The following C10orf90 variants were observed in gnomAD, a reference collection of about 807,000 sequenced individuals.
C10orf90 encodes the protein chromosome 10 open reading frame 90.
A neutral mutation model predicts 62.5 loss-of-function variants in C10orf90; 56 were observed. The ratio of observed to expected loss-of-function variants is 0.90; its 90% CI spans 0.72 to 1.12. C10orf90 has a LOEUF of 1.12. C10orf90 is among the 50% of genes most tolerant of loss of function. C10orf90 has a pLI of 0.00. For synonymous variants in C10orf90, 386 were observed against 340.4 expected, an observed-to-expected ratio of 1.13 and a Z score of -1.47; for missense variants, 970 against 880.4, an observed-to-expected ratio of 1.10 and a Z score of -1.29.
chr10:126,586,899 C>T (rs184996449), intron 2 of C10orf90, among the ~76,000 whole-genome samples: 18 of 152,134 alleles, frequency 1.2e-4, no homozygotes, highest in Admixed American at 6.6e-4. Context: ...GAAAATAGTC[C>T]GAGATGATGG....
chr10:126,520,399 C>A (rs993033892), intron 2 of C10orf90: 1 of 152,166 alleles, frequency 6.6e-6, no homozygotes, highest in Admixed American at 6.6e-5. Flanking sequence ...TGTAGGGGGA[C>A]CCTGGGAGTT....
intron 4 of C10orf90, among the ~76,000 whole-genome samples, chr10:126,497,441 T>C (rs140892652): frequency 1.3e-5 from 2 of 152,330 alleles, no homozygotes; most frequent in East Asian, 3.9e-4. Flanking sequence ...TCCCTTTGAC[T>C]CTGAGCATCG....
rs565049524 is a variant in C10orf90, at chr10:126,456,235, G to C, written c.2188+2805C>G. On this transcript the variant is annotated intron_variant, in intron 7 of 9. Transcript: ENST00000488181. The surrounding 1 kb of genome is among the most constrained non-coding windows in gnomAD (Gnocchi z 4.9). ...CTTAAACATTTCTTCTCACTTGCCC[G>C]AGCTTGTATGAGGCTCTGGTTTCAG... Among the ~76,000 whole-genome samples the C allele has an allele frequency of 6.6e-6, 1 of 152,178 alleles. No homozygotes were observed. Among genetic ancestry groups the C allele is most frequent in the African/African-American group, 2.4e-5 (1 of 41,446 alleles).
At chr10:126,469,893 C>T (rs1348076785) in intron 4 of C10orf90, 3 of 456,642 alleles carry the variant, frequency 6.6e-6, no homozygotes, top group Non-Finnish European at 8.8e-6. Flanking sequence ...TTTGCTGTCT[C>T]CTTTTGGCAA....
rs370773049 is a variant in C10orf90 at position 126,504,951 on chromosome 10, G to A, written c.540C>T (p.His180=). 5.0e-5 allele frequency: 80 copies of A among 1,614,100 alleles called. 1 individual carries two copies. Among genetic ancestry groups the A allele is most frequent in the Non-Finnish European group, 6.4e-5 (76 of 1,180,040 alleles). Residue 180 remains histidine (H), a synonymous_variant, in exon 4 of 10, where the codon CAC becomes CAT. Coordinates refer to ENST00000488181, the MANE Select transcript of C10orf90 (RefSeq NM_001350921.2). This position sits in a 1 kb window ranked among gnomAD's most constrained non-coding sequence, Gnocchi z 4.1. ...TGCGGTTAGCCAGAGATTGCTTGGC[G>A]TGATGTGCACGAGACTGAGCAATGG... The part of the protein sequence containing the change: ...PCAIAQSRAH[H]AKQSLANRSG...
Position 126,456,767 on chromosome 10 carries a change from C to T in C10orf90, c.2188+2273G>A, listed in dbSNP as rs576010486. The stretch of plus-strand genomic sequence containing the variant: ...AGAGACACAGACGCAGGGAGGATGG[C>T]CATGTGGAGACAGAGGCAGAGACTG... On this transcript the variant is annotated intron_variant, in intron 7 of 9. Coordinates refer to ENST00000488181, the MANE Select transcript of C10orf90 (RefSeq NM_001350921.2). This position sits in a 1 kb window ranked among gnomAD's most constrained non-coding sequence, Gnocchi z 4.9. 3.3e-5 allele frequency among the ~76,000 whole-genome samples: 5 copies of T among 152,132 alleles called. No individual in the cohort carries two copies. The highest frequency in any genetic ancestry group is 3.4e-3 in the Middle Eastern group (1 of 292).
At position 126,464,740 on chromosome 10, in the gene C10orf90, A is replaced by G. The variant is rs1860180986; in HGVS notation, c.1781T>C (p.Leu594Pro). The G allele has an allele frequency of 1.9e-6, 3 of 1,613,914 alleles. No homozygotes were observed. The highest frequency in any genetic ancestry group is 2.5e-6 in the Non-Finnish European group (3 of 1,179,942). Residue 594 changes from leucine (L) to proline (P), a missense_variant, in exon 5 of 10, where the codon CTG becomes CCG. Transcript: ENST00000488181. ...TATCTGAACACCATTGTCTTCCTGC[A>G]GAGATGCACATACATCTTGTAAGGG... ...LCPLQDVCAS[L>P]QEDNGVQIES...
chr10:126,571,503 C>G (rs1396139565), intron 2 of C10orf90, among the ~76,000 whole-genome samples: 1 of 152,200 alleles, frequency 6.6e-6, no homozygotes, highest in South Asian at 2.1e-4. Flanking sequence ...CCAGGCATAC[C>G]TGCACCCTGG....
At chr10:126,633,897 C>T (rs996955786) in intron 2 of C10orf90, among the ~76,000 whole-genome samples, 5 of 152,176 alleles carry the variant, frequency 3.3e-5, no homozygotes, top group African/African-American at 4.8e-5. Flanking sequence ...AGTCATTACT[C>T]ATTGGGGAAA....
chr10:126,669,316 T>C (rs541976353), intron 1 of C10orf90, among the ~76,000 whole-genome samples: 70 of 152,336 alleles, frequency 4.6e-4, no homozygotes, highest in African/African-American at 1.6e-3. Context: ...CCTTGAACCT[T>C]GAAAAACCTG....
intron 2 of C10orf90, among the ~76,000 whole-genome samples, chr10:126,553,388 T>C (rs569210522): frequency 1.7e-4 from 26 of 152,248 alleles, no homozygotes; most frequent in African/African-American, 6.3e-4. Flanking sequence ...AATAAGGACA[T>C]GAATAGGTGC....
At chr10:126,528,627 C>T (rs1864013025) in intron 2 of C10orf90, among the ~76,000 whole-genome samples, 1 of 152,192 alleles carries the variant, frequency 6.6e-6, no homozygotes, top group Admixed American at 6.5e-5. Context: ...CCAGCTCCAC[C>T]ACGGCCCAGC....
At chr10:126,530,000 ATCT>A (rs553134037) in intron 2 of C10orf90, among the ~76,000 whole-genome samples, 162 of 152,312 alleles carry the variant, frequency 1.1e-3, no homozygotes, top group Admixed American at 2.5e-3. Context: ...AAAAAAATGG[ATCT>A]TAAACTAAAT....
intron 4 of C10orf90, 97 bp downstream of exon 4, chr10:126,503,860 C>T: frequency 1.4e-6 from 2 of 1,416,282 alleles, no homozygotes; most frequent in Non-Finnish European, 1.9e-6. Flanking sequence ...CTGAGAAATG[C>T]CTCTTAGAAT....
At chr10:126,460,691 AC>A (rs1288209859) in intron 6 of C10orf90, among the ~76,000 whole-genome samples, 1 of 152,046 alleles carries the variant, frequency 6.6e-6, no homozygotes, top group Non-Finnish European at 1.5e-5. Flanking sequence ...CTTTGGGGGC[AC>A]CATGAATGCC....
At chr10:126,442,478 CATATATATATATATATATATAT>C (rs55780866) in intron 7 of C10orf90, among the ~76,000 whole-genome samples, 1 of 33,810 alleles carries the variant, frequency 3.0e-5, no homozygotes, top group East Asian at 1.4e-3. Context: ...TTCAATATTT[CATATATATATATATATATATAT>C]ATATATATCT....
chr10:126,650,280 C>T (rs990727382), intron 1 of C10orf90, among the ~76,000 whole-genome samples: 54 of 152,218 alleles, frequency 3.5e-4, no homozygotes, highest in African/African-American at 1.1e-3. Flanking sequence ...GAAGACATTA[C>T]GGTGTTATTT....
chr10:126,610,662 T>A (rs1845412352), intron 2 of C10orf90, among the ~76,000 whole-genome samples: 2 of 152,238 alleles, frequency 1.3e-5, no homozygotes, highest in African/African-American at 4.8e-5. Context: ...GATAAATGAA[T>A]ATTCATTATC....
At chr10:126,500,488 A>T (rs760533866) in intron 4 of C10orf90, among the ~76,000 whole-genome samples, 24 of 152,336 alleles carry the variant, frequency 1.6e-4, no homozygotes, top group Non-Finnish European at 3.1e-4. Flanking sequence ...CTTCTAGAAC[A>T]TATGTTGTGG....
Sources: allele counts gnomAD v4.1 joint callset (sites outside exome capture counted in the v4.1 genomes callset), GRCh38; gene constraint gnomAD v4.1.1; non-coding constraint Gnocchi (gnomAD v3.1); transcripts MANE v1.5; gene names NCBI Gene and HGNC (gene_info 2026-07-23, HGNC 2026-07-21).